Variants in MOGAT1 observed in about 807,000 individuals in gnomAD.
MOGAT1 encodes the protein monoacylglycerol O-acyltransferase 1, also known as 2-acylglycerol O-acyltransferase 1.
MOGAT1 carries 32 observed loss-of-function variants against 31.4 expected under a neutral mutation model. That is an observed-to-expected ratio of 1.02 (90% confidence interval 0.77 to 1.37). The LOEUF (loss-of-function observed/expected upper bound fraction) is 1.37, where lower values mean the gene tolerates loss of function less well. MOGAT1 is among the 40% of genes most tolerant of loss of function. The pLI is 0.00. For missense variants in MOGAT1, 426 were observed against 402.0 expected, an observed-to-expected ratio of 1.06 and a Z score of -0.51; for synonymous variants, 145 against 144.5, an observed-to-expected ratio of 1.00 and a Z score of -0.03.
intron 3 of MOGAT1, 151 bp from the exon 4 acceptor site, chr2:222,694,211 C>A: frequency 1.5e-6 from 1 of 666,538 alleles, no homozygotes; most frequent in Non-Finnish European, 2.5e-6. Context: ...AAAGATTTGG[C>A]TATGAAAAAT....
intron 1 of MOGAT1, among the ~76,000 whole-genome samples, chr2:222,673,211 C>T (rs1454551551): frequency 2.0e-5 from 3 of 150,822 alleles, no homozygotes; most frequent in East Asian, 1.9e-4. Flanking sequence ...CCGCGCCCGG[C>T]TCATCCCTGG....
At chr2:222,695,419 T>C (rs1692824841) in intron 5 of MOGAT1, 131 bp downstream of exon 5, 2 of 566,036 alleles carry the variant, frequency 3.5e-6, no homozygotes, top group African/African-American at 3.9e-5. Context: ...TAGATGTTAT[T>C]TGAGTTTTGT....
rs1168075789 is a variant in MOGAT1, at chr2:222,706,489, T to A, written c.854-3247T>A. Among the ~76,000 whole-genome samples the A allele has an allele frequency of 4.1e-5, 5 of 121,556 alleles. 1 individual carries two copies. Among genetic ancestry groups the A allele is most frequent in the Non-Finnish European group, 5.4e-5 (3 of 55,944 alleles). The allele number at this position is 121,556 out of a possible 152,430, so 79.7% of individuals were successfully genotyped here. Reference sequence around the variant, plus strand: ...CTCTGTATAAAAAAAAAAAAAAAATTCATTCCATATGTGAGCATGCTTAAG... The same window carrying A: ...CTCTGTATAAAAAAAAAAAAAAAATACATTCCATATGTGAGCATGCTTAAG... On this transcript the variant is annotated intron_variant, in intron 5 of 5. Transcript: ENST00000446656.
At chr2:222,686,199 T>C (rs1427764720) in intron 1 of MOGAT1, among the ~76,000 whole-genome samples, 2 of 152,216 alleles carry the variant, frequency 1.3e-5, no homozygotes, top group Non-Finnish European at 2.9e-5. Context: ...AGCTGGAGGA[T>C]AGCGTGGCTT....
At chr2:222,674,747 T>C (rs1692470970) in intron 1 of MOGAT1, among the ~76,000 whole-genome samples, 1 of 152,238 alleles carries the variant, frequency 6.6e-6, no homozygotes, top group Non-Finnish European at 1.5e-5. Flanking sequence ...ACTCTTGTCA[T>C]ACCTAGCATA....
intron 1 of MOGAT1, 103 bp from the exon 2 acceptor site, chr2:222,688,241 C>T: frequency 2.4e-6 from 2 of 818,480 alleles, no homozygotes; most frequent in Middle Eastern, 2.4e-4. Context: ...TGAACTGAGG[C>T]TCAGTTTGAC....
chr2:222,680,063 A>G (rs889766216), intron 1 of MOGAT1, among the ~76,000 whole-genome samples: 2 of 152,188 alleles, frequency 1.3e-5, no homozygotes, highest in African/African-American at 4.8e-5. Flanking sequence ...GGCTGCCCTG[A>G]TTAATGAATA....
chr2:222,680,411 A>G (rs1692559224), intron 1 of MOGAT1, among the ~76,000 whole-genome samples: 1 of 151,380 alleles, frequency 6.6e-6, no homozygotes, highest in Admixed American at 6.6e-5. Context: ...ATAAAACAAG[A>G]GAAAGGTATT....
chr2:222,695,014 A>G, intron 4 of MOGAT1, 75 bp from the exon 5 acceptor site: 6 of 1,199,930 alleles, frequency 5.0e-6, no homozygotes, highest in Non-Finnish European at 6.8e-6. Context: ...AGTTGTTGCA[A>G]GAGTCAGCTA....
chr2:222,692,861 C>T (rs1692782682), intron 3 of MOGAT1, among the ~76,000 whole-genome samples: 1 of 152,070 alleles, frequency 6.6e-6, no homozygotes, highest in Non-Finnish European at 1.5e-5. Context: ...CCCAAGAGGC[C>T]CTCTTCCTGG....
At chr2:222,705,351 A>C (rs1274028004) in intron 5 of MOGAT1, among the ~76,000 whole-genome samples, 1 of 152,168 alleles carries the variant, frequency 6.6e-6, no homozygotes, top group Non-Finnish European at 1.5e-5. Flanking sequence ...GCAGCCCAGT[A>C]GGTCTCAGCC....
rs1692707503 is a variant in MOGAT1, at chr2:222,688,355, A to T, written c.106A>T (p.Ile36Phe). The stretch of plus-strand genomic sequence containing the variant: ...TTCTTTTCTTACAGGGCCGATGTCC[A>T]TTGGAATCACTGTGATGCTGATCAT... Reference protein sequence around the residue: ...LKYLLLGPMSIGITVMLIIHN... With the variant: ...LKYLLLGPMSFGITVMLIIHN... Residue 36 changes from isoleucine (I) to phenylalanine (F), a missense_variant, in exon 2 of 6, where the codon ATT (isoleucine) becomes TTT (phenylalanine). Transcript: ENST00000446656. 3 of 1,609,776 alleles carry T rather than the reference A, an allele frequency of 1.9e-6. No individual in the cohort carries two copies. The highest frequency in any genetic ancestry group is 2.5e-6 in the Non-Finnish European group (3 of 1,178,170).
rs1279818432 is a variant in MOGAT1 at position 222,701,713 on chromosome 2, G to T, written c.853+6425G>T. 2.7e-5 allele frequency among the ~76,000 whole-genome samples: 4 copies of T among 150,444 alleles called. No individual in the cohort carries two copies. The East Asian group carries it at 5.9e-4, about 22-fold the overall frequency. On this transcript the variant is annotated intron_variant, in intron 5 of 5. Transcript: ENST00000446656. The stretch of plus-strand genomic sequence containing the variant: ...CATGGGAGGGGAGGGGAAAGGAGGG[G>T]GTTCTTTCCATCCATAGGCGTGCCC...
At chr2:222,690,805 C>CT (rs1471048010) in intron 3 of MOGAT1, among the ~76,000 whole-genome samples, 2 of 152,206 alleles carry the variant, frequency 1.3e-5, no homozygotes, top group African/African-American at 4.8e-5. Flanking sequence ...AGAGGGTGCA[C>CT]TATCCCCCTC....
chr2:222,696,773 C>A (rs1414691858), intron 5 of MOGAT1, among the ~76,000 whole-genome samples: 1 of 152,136 alleles, frequency 6.6e-6, no homozygotes, highest in Non-Finnish European at 1.5e-5. Flanking sequence ...AGTGTGGTGG[C>A]ACACACCTGT....
rs915225705 is a variant in MOGAT1 at position 222,689,155 on chromosome 2, A to G, written c.274-110A>G. ...AGCTCCAACCCAGGGAACAAAAATG[A>G]GTCATGTTCTCCATTTTCTCTTGAC... is the stretch of plus-strand genomic sequence containing the variant. On this transcript the variant is annotated intron_variant, in intron 2 of 5. Transcript: ENST00000446656. The G allele has an allele frequency of 4.2e-6, 4 of 957,894 alleles. No individual in the cohort carries two copies. In the African/African-American group the frequency reaches 6.6e-5, roughly 16 times the overall value. The allele number at this position is 957,894 out of a possible 1,614,324, so 59.3% of individuals were successfully genotyped here. A position where few individuals can be genotyped will look rare whatever the true frequency, so the allele number is the denominator to read the frequency against.
intron 1 of MOGAT1, among the ~76,000 whole-genome samples, chr2:222,683,024 C>T (rs1231470493): frequency 1.3e-5 from 2 of 151,982 alleles, no homozygotes; most frequent in Non-Finnish European, 2.9e-5. Context: ...AGCAACATGG[C>T]AAGATCCTAT....
Position 222,709,713 on chromosome 2 carries a change from A to T in MOGAT1, c.854-23A>T, listed in dbSNP as rs749246966. The T allele has an allele frequency of 5.6e-6, 9 of 1,610,314 alleles. No homozygotes were observed. The Admixed American group carries it at 1.0e-4, about 18-fold the overall frequency. ...GTGGAGTGGTTTTAGTTCCTCACGT[A>T]TGATGTATTCCCTGATTTGCAGTTG... On this transcript the variant is annotated intron_variant, in intron 5 of 5. Transcript: ENST00000446656.
intron 1 of MOGAT1, 32 bp from the exon 2 acceptor site, chr2:222,688,311 AC>A (rs1331123335): frequency 6.4e-7 from 1 of 1,565,718 alleles, no homozygotes; most frequent in Non-Finnish European, 8.7e-7. Context: ...ATACTAACAG[AC>A]TGATTCCATG....
Sources: gnomAD v4.1 joint callset for allele counts (sites outside exome capture counted in the v4.1 genomes callset) on GRCh38, gnomAD v4.1.1 for gene constraint, MANE v1.5 for transcripts, NCBI Gene and HGNC (gene_info 2026-07-23, HGNC 2026-07-21) for gene names.